FRK: variants seen among roughly 807,000 people sequenced by gnomAD.
FRK encodes tyrosine-protein kinase FRK.
A neutral mutation model predicts 56.4 loss-of-function variants in FRK; 51 were observed. The ratio of observed to expected loss-of-function variants is 0.90; its 90% confidence interval spans 0.72 to 1.14. FRK has a LOEUF of 1.14. Ranked by LOEUF, FRK falls within the 50% of genes most tolerant of loss-of-function variation. The pLI is 0.00. For missense variants in FRK, 570 were observed against 601.4 expected, an observed-to-expected ratio of 0.95 and a Z score of 0.55; for synonymous variants, 245 against 217.9, an observed-to-expected ratio of 1.12 and a Z score of -1.10.
At chr6:116,069,931 AG>A in the FRK span, among the ~76,000 whole-genome samples, 1 of 152,116 alleles carries the variant, frequency 6.6e-6, no homozygotes, top group Non-Finnish European at 1.5e-5. Flanking sequence ...TGCTGATCTT[AG>A]GACCACAGTT....
At chr6:116,008,688 TGC>T (rs1775345970) in intron 1 of FRK, among the ~76,000 whole-genome samples, 1 of 152,208 alleles carries the variant, frequency 6.6e-6, no homozygotes, top group South Asian at 2.1e-4. Context: ...TTAGAGCCTC[TGC>T]TGGCCCCATT....
chr6:116,066,218 A>C, the FRK span, among the ~76,000 whole-genome samples: 2 of 152,148 alleles, frequency 1.3e-5, no homozygotes, highest in Non-Finnish European at 1.5e-5. Context: ...AATAAAAAGC[A>C]GGCAGAAAAA....
chr6:116,065,273 G>A (rs1777740125), upstream of FRK, among the ~76,000 whole-genome samples: 1 of 152,056 alleles, frequency 6.6e-6, no homozygotes, highest in Admixed American at 6.5e-5. Flanking sequence ...TCAGCACTAG[G>A]GCTTAGAGAG....
At chr6:115,943,326 G>A in intron 6 of FRK, 141 bp from the exon 7 acceptor site, 1 of 576,816 alleles carries the variant, frequency 1.7e-6, no homozygotes, top group East Asian at 3.1e-5. Context: ...AATTACAGTA[G>A]CAAATTCTGA....
intron 2 of FRK, among the ~76,000 whole-genome samples, chr6:115,985,700 G>A (rs1270955744): frequency 6.6e-6 from 1 of 151,966 alleles, no homozygotes; most frequent in Non-Finnish European, 1.5e-5. Context: ...TCAGGACAGT[G>A]TCTAGCACAA....
chr6:115,957,972 GAAAAACCA>G (rs1372122725), intron 4 of FRK, among the ~76,000 whole-genome samples: 2 of 152,134 alleles, frequency 1.3e-5, no homozygotes, highest in Non-Finnish European at 2.9e-5. Context: ...CATAGTCTTG[GAAAAACCA>G]AACAGACCAG....
the FRK span, among the ~76,000 whole-genome samples, chr6:116,095,555 C>G: frequency 6.6e-6 from 1 of 152,098 alleles, no homozygotes; most frequent in African/African-American, 2.4e-5. Flanking sequence ...TATCAGTGCC[C>G]CTCAAAGCTC....
At chr6:115,992,883 A>G (rs956287258) in intron 2 of FRK, among the ~76,000 whole-genome samples, 1 of 151,824 alleles carries the variant, frequency 6.6e-6, no homozygotes, top group African/African-American at 2.4e-5. Flanking sequence ...CTTCTAAATA[A>G]AAGAGAATGA....
intron 1 of FRK, chr6:116,039,587 T>C: frequency 2.5e-6 from 2 of 795,722 alleles, no homozygotes; most frequent in South Asian, 2.7e-5. Flanking sequence ...ATGTTTCTGA[T>C]GGTGTCATCT....
rs186648171 is a variant in FRK, at chr6:116,011,372, A to G, written c.345-7374T>C. Among the ~76,000 whole-genome samples, 466 of 152,258 alleles carry G rather than the reference A, an allele frequency of 3.1e-3. 2 individuals are homozygous for G. The highest frequency in any genetic ancestry group is 0.01 in the African/African-American group (432 of 41,562). On this transcript the variant is annotated intron_variant, in intron 1 of 7. Coordinates refer to ENST00000606080, the MANE Select transcript of FRK (RefSeq NM_002031.3). ...ATGGCTAGGATTTACAAAAGTTAAC[A>G]TATGACTTCTTTTTATAATGTCTCC...
At chr6:116,057,245 A>G (rs1777433869) in intron 1 of FRK, among the ~76,000 whole-genome samples, 2 of 152,344 alleles carry the variant, frequency 1.3e-5, no homozygotes, top group Middle Eastern at 6.8e-3. Flanking sequence ...TACTGAGCTC[A>G]TGATTTTAAA....
At chr6:116,027,154 G>A (rs1776124028) in intron 1 of FRK, among the ~76,000 whole-genome samples, 1 of 152,124 alleles carries the variant, frequency 6.6e-6, no homozygotes, top group Non-Finnish European at 1.5e-5. Context: ...GAGGGCTAAT[G>A]AGAGAGCATA....
At chr6:116,010,464 G>A (rs1477110589) in intron 1 of FRK, among the ~76,000 whole-genome samples, 1 of 152,266 alleles carries the variant, frequency 6.6e-6, no homozygotes, top group Admixed American at 6.5e-5. Context: ...TAGAAACTTT[G>A]GCACTTAGAA....
intron 1 of FRK, among the ~76,000 whole-genome samples, chr6:116,006,900 G>T (rs1181642304): frequency 6.6e-6 from 1 of 152,086 alleles, no homozygotes; most frequent in East Asian, 1.9e-4. Context: ...AGAATGAAAA[G>T]AATGATATAT....
intron 2 of FRK, among the ~76,000 whole-genome samples, chr6:116,002,083 C>T (rs10872141): frequency 5.3e-5 from 8 of 152,048 alleles, no homozygotes; most frequent in Non-Finnish European, 1.2e-4. Context: ...ATGCATCTTT[C>T]GAAAGTCTTA....
At chr6:115,952,910 T>C (rs1772824070) in intron 5 of FRK, among the ~76,000 whole-genome samples, 1 of 100,562 alleles carries the variant, frequency 9.9e-6, no homozygotes. Flanking sequence ...CATCACACTC[T>C]GGGGACTGTG....
chr6:116,073,399 A>T, the FRK span, among the ~76,000 whole-genome samples: 3 of 152,168 alleles, frequency 2.0e-5, no homozygotes, highest in Non-Finnish European at 4.4e-5. Flanking sequence ...ATTATTAAGT[A>T]ATTAAACATC....
At chr6:115,973,870 CA>C (rs1773899181) in intron 2 of FRK, among the ~76,000 whole-genome samples, 1 of 62,266 alleles carries the variant, frequency 1.6e-5, no homozygotes, top group African/African-American at 6.3e-5. Context: ...GACACAGTCT[CA>C]GAAAAAAAAA....
chr6:115,934,182 C>A lies in FRK; in HGVS notation c.*8232G>T, dbSNP rs1371702200. ...CCGTTAATTCACCTCAGGGAATGTT[C>A]TCCTTAATGAACACCTCTCCAGCAT... On this transcript the variant is annotated 3_prime_UTR_variant, in exon 8 of 8. Coordinates refer to ENST00000606080, the MANE Select transcript of FRK (RefSeq NM_002031.3). The A allele has an allele frequency of 6.6e-6, 1 of 152,128 alleles. No individual in the cohort carries two copies. The highest frequency in any genetic ancestry group is 1.5e-5 in the Non-Finnish European group (1 of 68,012). 9.4% of individuals were successfully genotyped at this position (152,128 alleles called of 1,614,324 possible).
Sources: gnomAD v4.1 joint callset for allele counts (sites outside exome capture counted in the v4.1 genomes callset) on GRCh38, gnomAD v4.1.1 for gene constraint, MANE v1.5 for transcripts, NCBI Gene and HGNC (gene_info 2026-07-23, HGNC 2026-07-21) for gene names.